PDGFD: variants seen among roughly 807,000 people sequenced by gnomAD.
PDGFD encodes platelet derived growth factor D, also known as platelet-derived growth factor D.
Under a neutral mutation model 44.7 loss-of-function variants are expected in PDGFD, and 30 were observed. The observed-to-expected ratio is 0.67, with a 90% CI of 0.50 to 0.91. PDGFD has a LOEUF of 0.91. Among genes scored for constraint, PDGFD ranks in the 40% least tolerant of loss-of-function variants. The pLI is 0.00. For missense variants in PDGFD, 445 were observed against 457.8 expected, an observed-to-expected ratio of 0.97 and a Z score of 0.25; for synonymous variants, 173 against 168.4, an observed-to-expected ratio of 1.03 and a Z score of -0.21.
chr11:104,071,477 C>T (rs1482714033), intron 1 of PDGFD, among the ~76,000 whole-genome samples: 1 of 150,594 alleles, frequency 6.6e-6, no homozygotes, highest in East Asian at 1.9e-4. Flanking sequence ...TGCTTGTTGG[C>T]CATATTTTTC....
At position 103,909,584 on chromosome 11, in the gene PDGFD, G is replaced by T; in HGVS notation, c.*110C>A. The T allele has an allele frequency of 7.3e-7, 1 of 1,374,604 alleles. No homozygotes were observed. The highest frequency in any genetic ancestry group is 1.0e-6 in the Non-Finnish European group (1 of 983,222). 85.2% of individuals were successfully genotyped at this position (1,374,604 alleles called of 1,614,324 possible). ...GACTCAGCAACCACTTGTGTTCATT[G>T]CATTGCAGGCTAGTAGTAAGTTTGG... On this transcript the variant is annotated 3_prime_UTR_variant, in exon 7 of 7. Coordinates refer to ENST00000393158, the MANE Select transcript of PDGFD (RefSeq NM_025208.5).
chr11:103,907,284 G>A lies in PDGFD; in HGVS notation c.*2410C>T, dbSNP rs183298485. Reference sequence around the variant, plus strand: ...TGAGAGGAAAAAGCTGCATGTTACCGATATGACAAAAAACATAAAAAACTC... The same window carrying A: ...TGAGAGGAAAAAGCTGCATGTTACCAATATGACAAAAAACATAAAAAACTC... On this transcript the variant is annotated 3_prime_UTR_variant, in exon 7 of 7. Transcript: ENST00000393158. 4.6e-5 allele frequency: 7 copies of A among 152,146 alleles called. No homozygotes were observed. Among genetic ancestry groups the A allele is most frequent in the African/African-American group, 1.7e-4 (7 of 41,518 alleles). 9.4% of individuals were successfully genotyped at this position (152,146 alleles called of 1,614,324 possible). A position where few individuals can be genotyped will look rare whatever the true frequency, so the allele number is the denominator to read the frequency against.
At chr11:103,993,680 C>T (rs1859493071) in intron 3 of PDGFD, among the ~76,000 whole-genome samples, 1 of 152,076 alleles carries the variant, frequency 6.6e-6, no homozygotes, top group Non-Finnish European at 1.5e-5. Context: ...TGTGATCTAT[C>T]CCTGCTGAGC....
chr11:103,938,114 C>T (rs899995130), intron 5 of PDGFD, among the ~76,000 whole-genome samples: 1 of 151,814 alleles, frequency 6.6e-6, no homozygotes, highest in Non-Finnish European at 1.5e-5. Context: ...TTCTAGATCC[C>T]TGAGGAATCA....
In PDGFD at chr11:104,102,023, A is replaced by T. The variant is rs1209358471; in HGVS notation, c.124+61781T>A. The stretch of plus-strand genomic sequence containing the variant: ...ATTCAGGACATAGGCATGGGCAAGG[A>T]CTTCATGTCTAAAACACCAAAAGCA... On this transcript the variant is annotated intron_variant, in intron 1 of 6. Coordinates refer to ENST00000393158, the MANE Select transcript of PDGFD (RefSeq NM_025208.5). Among the ~76,000 whole-genome samples, 5 of 152,148 alleles carry T rather than the reference A, an allele frequency of 3.3e-5. No individual in the cohort carries two copies. In the East Asian group the frequency reaches 5.8e-4, roughly 18 times the overall value.
Position 103,909,691 on chromosome 11 carries a change from C to G in PDGFD, c.*3G>C. 1 of 1,614,072 alleles carries G rather than the reference C, an allele frequency of 6.2e-7. No homozygotes were observed. On this transcript the variant is annotated 3_prime_UTR_variant, in exon 7 of 7. Coordinates refer to ENST00000393158, the MANE Select transcript of PDGFD (RefSeq NM_025208.5). ...GGCTTAATGTAAGGATGTGCACATTCTCTTATCGAGGTGGTCTTGAGCTGC... is the reference window on the plus strand; with the variant it reads ...GGCTTAATGTAAGGATGTGCACATTGTCTTATCGAGGTGGTCTTGAGCTGC...
intron 6 of PDGFD, among the ~76,000 whole-genome samples, chr11:103,915,965 A>G (rs1348592274): frequency 1.3e-5 from 2 of 152,182 alleles, no homozygotes; most frequent in South Asian, 4.1e-4. Flanking sequence ...AGACTTAAAT[A>G]TAAGACATAA....
intron 1 of PDGFD, among the ~76,000 whole-genome samples, chr11:104,102,904 A>G (rs765252515): frequency 1.2e-4 from 18 of 152,178 alleles, no homozygotes; most frequent in Non-Finnish European, 4.4e-5. Context: ...CAGGAAGGGG[A>G]ACATCACACA....
At chr11:104,049,527 T>C (rs983123289) in intron 1 of PDGFD, among the ~76,000 whole-genome samples, 3 of 150,368 alleles carry the variant, frequency 2.0e-5, no homozygotes. Flanking sequence ...GACATTTGAT[T>C]TTTTTTTAAG....
chr11:103,975,725 T>C (rs994629183), intron 3 of PDGFD, among the ~76,000 whole-genome samples: 1 of 152,184 alleles, frequency 6.6e-6, no homozygotes, highest in Non-Finnish European at 1.5e-5. Context: ...CTAGCCACTT[T>C]TCCCAGCACC....
chr11:104,061,023 CCCT>C (rs1326295413), intron 1 of PDGFD, among the ~76,000 whole-genome samples: 1 of 152,110 alleles, frequency 6.6e-6, no homozygotes, highest in Non-Finnish European at 1.5e-5. Flanking sequence ...TTCCCACAGG[CCCT>C]GGTAACCTCT....
chr11:104,022,740 ATAATG>A (rs924204433), intron 1 of PDGFD, among the ~76,000 whole-genome samples: 5 of 78,898 alleles, frequency 6.3e-5, no homozygotes, highest in Admixed American at 2.3e-4. Context: ...CTATAAACAT[ATAATG>A]TGTGTGTACA....
intron 6 of PDGFD, among the ~76,000 whole-genome samples, chr11:103,924,553 G>A (rs1858273844): frequency 6.6e-6 from 1 of 152,126 alleles, no homozygotes. Context: ...GGCTAAAATA[G>A]TGTTTCCCTG....
In PDGFD at chr11:104,028,926, C is replaced by G. The variant is rs138043666; in HGVS notation, c.125-28671G>C. ...CTCTTCAGCATCATAAATTGGTTCCCTGATTTTGAAAGTTAGAGTACGTAG... is the reference window on the plus strand; with the variant it reads ...CTCTTCAGCATCATAAATTGGTTCCGTGATTTTGAAAGTTAGAGTACGTAG... On this transcript the variant is annotated intron_variant, in intron 1 of 6. Transcript: ENST00000393158. 3.8e-3 allele frequency among the ~76,000 whole-genome samples: 581 copies of G among 152,010 alleles called. 5 individuals are homozygous for G. The highest frequency in any genetic ancestry group is 6.0e-3 in the Non-Finnish European group (407 of 67,990).
chr11:103,927,258 C>T (rs1427026495), intron 5 of PDGFD, 132 bp from the exon 6 acceptor site: 6 of 738,794 alleles, frequency 8.1e-6, no homozygotes, highest in Non-Finnish European at 1.3e-5. Flanking sequence ...CATCCTCAGG[C>T]TCTCAATTAC....
intron 3 of PDGFD, among the ~76,000 whole-genome samples, chr11:103,979,689 C>A (rs1176802917): frequency 6.6e-6 from 1 of 152,056 alleles, no homozygotes; most frequent in Non-Finnish European, 1.5e-5. Flanking sequence ...GGATGGAACA[C>A]AGAGATGGGG....
intron 1 of PDGFD, among the ~76,000 whole-genome samples, chr11:104,099,640 A>AATAATG: frequency 7.3e-5 from 2 of 27,542 alleles, no homozygotes; most frequent in African/African-American, 2.1e-4. Context: ...CAAAAACAAT[A>AATAATG]ATAATAATAA....
chr11:103,976,326 CTT>C (rs1332688571), intron 3 of PDGFD, among the ~76,000 whole-genome samples: 1 of 151,932 alleles, frequency 6.6e-6, no homozygotes, highest in Non-Finnish European at 1.5e-5. Flanking sequence ...TGATTTGGCT[CTT>C]TGTTTATTAT....
rs142278383 is a variant in PDGFD at position 103,908,832 on chromosome 11, A to G, written c.*862T>C. On this transcript the variant is annotated 3_prime_UTR_variant, in exon 7 of 7. Coordinates refer to ENST00000393158, the MANE Select transcript of PDGFD (RefSeq NM_025208.5). The stretch of plus-strand genomic sequence containing the variant: ...AAGGTTCATACAGAATGCCCATGCC[A>G]TTCTTGAAAGGATTTGCTTTTGTGG... 6.6e-6 allele frequency: 1 copy of G among 152,322 alleles called. No homozygotes were observed. The highest frequency in any genetic ancestry group is 1.5e-5 in the Non-Finnish European group (1 of 68,012). 9.4% of individuals were successfully genotyped at this position (152,322 alleles called of 1,614,324 possible). A position where few individuals can be genotyped will look rare whatever the true frequency, so the allele number is the denominator to read the frequency against.
Sources: gnomAD v4.1 joint callset for allele counts (sites outside exome capture counted in the v4.1 genomes callset) on GRCh38, gnomAD v4.1.1 for gene constraint, MANE v1.5 for transcripts, NCBI Gene and HGNC (gene_info 2026-07-23, HGNC 2026-07-21) for gene names.